SLIT2: variants seen among roughly 807,000 people sequenced by gnomAD.
SLIT2 encodes the protein slit guidance ligand 2.
Under a neutral mutation model 185.7 loss-of-function variants are expected in SLIT2, and 41 were observed. The observed-to-expected ratio is 0.22, with a 90% confidence interval of 0.17 to 0.29. SLIT2 has a LOEUF of 0.29. Among genes scored for constraint, SLIT2 ranks in the 10% least tolerant of loss-of-function variants. The pLI is 1.00. For synonymous variants in SLIT2, 693 were observed against 680.2 expected (o/e 1.02, Z -0.29); for missense variants, 1,571 against 1,909.0 (o/e 0.82, Z 3.30).
At chr4:20,388,039 C>T (rs7682567) in intron 4 of SLIT2, among the ~76,000 whole-genome samples, 31,648 of 152,132 alleles carry the variant, frequency 0.21, 3,650 homozygotes, top group Non-Finnish European at 0.27. Flanking sequence ...CCAAATCCTT[C>T]CTTCATAAAA....
chr4:20,339,381 C>T (rs370970339), intron 4 of SLIT2, among the ~76,000 whole-genome samples: 1 of 152,084 alleles, frequency 6.6e-6, no homozygotes, highest in East Asian at 1.9e-4. Flanking sequence ...TAATTGAACA[C>T]ACTCCCTGCT....
chr4:20,413,903 A>G (rs1401696952), intron 4 of SLIT2, among the ~76,000 whole-genome samples: 1 of 151,912 alleles, frequency 6.6e-6, no homozygotes, highest in Non-Finnish European at 1.5e-5. Flanking sequence ...TATTTAATTC[A>G]TGTACTTTAC....
chr4:20,375,713 C>A (rs1723958266), intron 4 of SLIT2, among the ~76,000 whole-genome samples: 1 of 151,724 alleles, frequency 6.6e-6, no homozygotes, highest in African/African-American at 2.4e-5. Context: ...ACAACCTGGT[C>A]ATTACAATAA....
chr4:20,554,052 G>A (rs1724023833), intron 26 of SLIT2, 84 bp downstream of exon 26: 5 of 1,179,672 alleles, frequency 4.2e-6, no homozygotes, highest in Non-Finnish European at 5.9e-6. Flanking sequence ...TCAATCCAAA[G>A]GTATGGTTGA....
intron 27 of SLIT2, 62 bp from the exon 28 acceptor site, chr4:20,567,456 C>T (rs1428638874): frequency 1.2e-6 from 2 of 1,608,804 alleles, no homozygotes; most frequent in East Asian, 4.5e-5. Flanking sequence ...TATTATTCTA[C>T]TGTGCTTTCT....
intron 33 of SLIT2, among the ~76,000 whole-genome samples, chr4:20,605,175 T>G (rs1343800146): frequency 6.8e-6 from 1 of 147,094 alleles, no homozygotes; most frequent in Non-Finnish European, 1.5e-5. Flanking sequence ...GAAGCTCACA[T>G]AAGGAAAAAC....
chr4:20,290,811 T>C (rs796194020), intron 4 of SLIT2, among the ~76,000 whole-genome samples: 1 of 151,896 alleles, frequency 6.6e-6, no homozygotes, highest in African/African-American at 2.4e-5. Flanking sequence ...TTAGCATTTG[T>C]ATTAATATCT....
chr4:20,576,068 A>G (rs1022234708), intron 29 of SLIT2, among the ~76,000 whole-genome samples: 14 of 152,204 alleles, frequency 9.2e-5, no homozygotes, highest in Non-Finnish European at 2.1e-4. Flanking sequence ...AAACACTTTG[A>G]ATTGGTAAAT....
At chr4:20,320,380 T>C (rs1049003065) in intron 4 of SLIT2, among the ~76,000 whole-genome samples, 3 of 152,164 alleles carry the variant, frequency 2.0e-5, no homozygotes, top group Non-Finnish European at 2.9e-5. Context: ...AGTTTGACTC[T>C]CTGGACTCCC....
chr4:20,486,531 A>C (rs1001891916), intron 7 of SLIT2, among the ~76,000 whole-genome samples: 5 of 152,184 alleles, frequency 3.3e-5, no homozygotes, highest in East Asian at 1.9e-4. Context: ...TGTGGAGGTC[A>C]CATTTCATTA....
intron 4 of SLIT2, among the ~76,000 whole-genome samples, chr4:20,293,570 T>G (rs1716179396): frequency 6.6e-6 from 1 of 152,218 alleles, no homozygotes; most frequent in Admixed American, 6.5e-5. Flanking sequence ...AATGTGAACT[T>G]AAGAAAGGAA....
At chr4:20,475,105 A>T (rs1435620546) in intron 5 of SLIT2, among the ~76,000 whole-genome samples, 1 of 152,062 alleles carries the variant, frequency 6.6e-6, no homozygotes, top group Non-Finnish European at 1.5e-5. Context: ...TCTGACTTTG[A>T]TCCAGGCTCC....
At chr4:20,433,860 A>T (rs1157305713) in intron 4 of SLIT2, among the ~76,000 whole-genome samples, 2 of 152,168 alleles carry the variant, frequency 1.3e-5, no homozygotes, top group Non-Finnish European at 1.5e-5. Flanking sequence ...AGTGATACAT[A>T]CGTTTAGAGG....
intron 4 of SLIT2, among the ~76,000 whole-genome samples, chr4:20,318,641 T>C (rs1718797881): frequency 1.3e-5 from 2 of 152,048 alleles, no homozygotes; most frequent in Admixed American, 1.3e-4. Flanking sequence ...TGAGTCATTT[T>C]TTTTTCCTTC....
chr4:20,307,422 T>G lies in SLIT2; in HGVS notation c.395+38541T>G, dbSNP rs564466996. Among the ~76,000 whole-genome samples, 4 of 151,364 alleles carry G rather than the reference T, an allele frequency of 2.6e-5. No homozygotes were observed. The South Asian group carries it at 6.3e-4, about 24-fold the overall frequency. ...ACACTGCAGGAGCACACCACCACAC[T>G]CGGATAAATTCTTAATTTTTTTTCA... On this transcript the variant is annotated intron_variant, in intron 4 of 36. Coordinates refer to ENST00000504154, the MANE Select transcript of SLIT2 (RefSeq NM_004787.4).
At chr4:20,433,772 C>T (rs1233539204) in intron 4 of SLIT2, among the ~76,000 whole-genome samples, 1 of 152,092 alleles carries the variant, frequency 6.6e-6, no homozygotes, top group East Asian at 1.9e-4. Flanking sequence ...ATTTATCTGC[C>T]TCTTCGTAAT....
At chr4:20,596,111 A>G (rs1005255624) in intron 31 of SLIT2, among the ~76,000 whole-genome samples, 5 of 152,184 alleles carry the variant, frequency 3.3e-5, no homozygotes, top group African/African-American at 1.2e-4. Flanking sequence ...ATTTTAAGAC[A>G]AAAAACGTAG....
At chr4:20,482,038 A>G (rs1353944789) in intron 6 of SLIT2, among the ~76,000 whole-genome samples, 1 of 152,030 alleles carries the variant, frequency 6.6e-6, no homozygotes, top group African/African-American at 2.4e-5. Flanking sequence ...TTTAAATTGT[A>G]TACCAGAACC....
chr4:20,542,661 TC>T, intron 21 of SLIT2, 35 bp downstream of exon 21: 5 of 1,606,728 alleles, frequency 3.1e-6, no homozygotes, highest in Non-Finnish European at 4.3e-6. Flanking sequence ...CTTTTCTTTT[TC>T]CTTGATGATA....
Sources: allele counts gnomAD v4.1 joint callset (sites outside exome capture counted in the v4.1 genomes callset), GRCh38; gene constraint gnomAD v4.1.1; transcripts MANE v1.5; gene names NCBI Gene and HGNC (gene_info 2026-07-23, HGNC 2026-07-21).